Variants in FNDC3B observed in about 807,000 individuals in gnomAD.
The protein encoded by FNDC3B is fibronectin type III domain-containing protein 3B.
FNDC3B carries 12 observed loss-of-function variants against 151.5 expected under a neutral mutation model. The observed-to-expected ratio is 0.08, with a 90% CI of 0.05 to 0.13. The LOEUF (loss-of-function observed/expected upper bound fraction) is 0.13, where lower values mean the gene tolerates loss of function less well. Among genes scored for constraint, FNDC3B ranks in the 10% least tolerant of loss-of-function variants. The pLI, the probability that FNDC3B is intolerant of heterozygous loss-of-function variation, is 1.00. For missense variants in FNDC3B, 1,214 were observed against 1,505.3 expected (o/e 0.81, Z 3.20); for synonymous variants, 528 against 549.0 (o/e 0.96, Z 0.54).
chr3:172,238,358 G>C (rs558746549), intron 4 of FNDC3B, among the ~76,000 whole-genome samples: 167 of 152,184 alleles, frequency 1.1e-3, no homozygotes, highest in African/African-American at 3.9e-3. Context: ...GTTTTGCCAC[G>C]TTGCCCAGTC....
At chr3:172,087,908 G>A (rs1366767614) in intron 1 of FNDC3B, among the ~76,000 whole-genome samples, 1 of 152,188 alleles carries the variant, frequency 6.6e-6, no homozygotes, top group Non-Finnish European at 1.5e-5. Flanking sequence ...TAAATAGTTA[G>A]AAATATGCAA....
intron 3 of FNDC3B, among the ~76,000 whole-genome samples, chr3:172,180,548 A>G (rs966060789): frequency 6.6e-6 from 1 of 152,184 alleles, no homozygotes; most frequent in Non-Finnish European, 1.5e-5. Context: ...TCTTTTATAC[A>G]AAGTCCTGTG....
At chr3:172,287,847 G>T (rs946668618) in intron 7 of FNDC3B, among the ~76,000 whole-genome samples, 3 of 152,184 alleles carry the variant, frequency 2.0e-5, no homozygotes, top group Non-Finnish European at 4.4e-5. Context: ...TTTAGGGCAG[G>T]GTAATAGGCT....
chr3:172,160,304 T>TA (rs761946405), intron 3 of FNDC3B, among the ~76,000 whole-genome samples: 4 of 152,210 alleles, frequency 2.6e-5, no homozygotes, highest in African/African-American at 4.8e-5. Flanking sequence ...GCTTCCCACT[T>TA]ACAGGGGCGG....
intron 6 of FNDC3B, among the ~76,000 whole-genome samples, chr3:172,283,516 G>A (rs1246362571): frequency 6.6e-6 from 1 of 152,112 alleles, no homozygotes; most frequent in Non-Finnish European, 1.5e-5. Flanking sequence ...ATTACTCCAA[G>A]GATAGGGTCT....
chr3:172,349,651 C>T (rs906224053), intron 21 of FNDC3B, among the ~76,000 whole-genome samples: 1 of 151,902 alleles, frequency 6.6e-6, no homozygotes, highest in Admixed American at 6.6e-5. Flanking sequence ...TAATGTTTTT[C>T]TTTTCTTTTT....
At chr3:172,326,045 C>T (rs188774478) in intron 11 of FNDC3B, among the ~76,000 whole-genome samples, 1,749 of 152,202 alleles carry the variant, frequency 0.011, 35 homozygotes, top group Admixed American at 0.055. Flanking sequence ...AGGCTGGTTT[C>T]GAACTCCTGA....
chr3:172,189,687 G>A (rs9883538), intron 3 of FNDC3B, among the ~76,000 whole-genome samples: 52,624 of 151,434 alleles, frequency 0.35, 9,787 homozygotes, highest in South Asian at 0.46. Context: ...GGTGGCACAC[G>A]CCTTTGGTCC....
Position 172,039,647 on chromosome 3 carries a change from G to T in FNDC3B, c.-153G>T, listed in dbSNP as rs1715914190. 2 of 164,398 alleles carry T rather than the reference G, an allele frequency of 1.2e-5. No homozygotes were observed. Among genetic ancestry groups the T allele is most frequent in the East Asian group, 1.8e-4 (1 of 5,628 alleles). 10.2% of individuals were successfully genotyped at this position (164,398 alleles called of 1,614,324 possible). A position where few individuals can be genotyped will look rare whatever the true frequency, so the allele number is the denominator to read the frequency against. On this transcript the variant is annotated 5_prime_UTR_variant, in exon 1 of 26. Transcript: ENST00000415807. ...TGAGCGGCGGCGGCGGCGGCTGGAG[G>T]AGGAGAGCGGCGGCGGCGGGAGCAG...
At chr3:172,106,788 A>C (rs1719674869) in intron 1 of FNDC3B, among the ~76,000 whole-genome samples, 1 of 152,172 alleles carries the variant, frequency 6.6e-6, no homozygotes, top group African/African-American at 2.4e-5. Context: ...TGTCTTTCTT[A>C]GTATAGGCTG....
intron 2 of FNDC3B, among the ~76,000 whole-genome samples, chr3:172,132,696 C>A (rs1277289380): frequency 1.3e-5 from 2 of 152,126 alleles, no homozygotes; most frequent in African/African-American, 4.8e-5. Context: ...CCGTGCCCAG[C>A]CTAACTATAG....
In FNDC3B at chr3:172,392,802, T is replaced by TTTTTTTTC. The variant is rs749196111; in HGVS notation, c.3304-4354_3304-4347dup. Among the ~76,000 whole-genome samples the TTTTTTTTC allele has an allele frequency of 7.8e-3, 368 of 46,924 alleles. 15 individuals are homozygous for TTTTTTTTC. The highest frequency in any genetic ancestry group is 0.017 in the Non-Finnish European group (296 of 17,558). The allele number at this position is 46,924 out of a possible 152,430, so 30.8% of individuals were successfully genotyped here. ...AAGTAACTGAATGAATTTTTTCTTT[T>TTTTTTTTC]TTTTTTTCTTTTTTTTTTTTCAGAC... On this transcript the variant is annotated intron_variant, in intron 25 of 25. Transcript: ENST00000415807.
intron 1 of FNDC3B, among the ~76,000 whole-genome samples, chr3:172,066,266 G>C (rs1174810554): frequency 6.6e-6 from 1 of 152,186 alleles, no homozygotes; most frequent in Non-Finnish European, 1.5e-5. Flanking sequence ...GAGCAGTGAG[G>C]CGATAATGAT....
intron 9 of FNDC3B, 111 bp from the exon 10 acceptor site, chr3:172,307,252 C>A: frequency 9.0e-7 from 1 of 1,113,386 alleles, no homozygotes; most frequent in Non-Finnish European, 1.3e-6. Flanking sequence ...ATGATACTCA[C>A]TCCGTAAGAA....
chr3:172,364,389 T>C (rs1406764831), intron 23 of FNDC3B, among the ~76,000 whole-genome samples: 3 of 152,216 alleles, frequency 2.0e-5, no homozygotes, highest in East Asian at 3.8e-4. Flanking sequence ...TGTGCTGTTT[T>C]AGAAAAAAGT....
chr3:172,289,355 G>A lies in FNDC3B; in HGVS notation c.849+3371G>A, dbSNP rs180873020. ...TACTGGGCCCAGCCAGATAATCCAG[G>A]TTAAGTCTCCCCTTCACGAGAGCCT... On this transcript the variant is annotated intron_variant, in intron 7 of 25. Coordinates refer to ENST00000415807, the MANE Select transcript of FNDC3B (RefSeq NM_022763.4). Among the ~76,000 whole-genome samples the A allele has an allele frequency of 3.4e-4, 51 of 152,096 alleles. No individual in the cohort carries two copies. In the East Asian group the frequency reaches 9.5e-3, roughly 28 times the overall value.
At chr3:172,230,812 A>G (rs781356409) in intron 4 of FNDC3B, among the ~76,000 whole-genome samples, 62 of 152,252 alleles carry the variant, frequency 4.1e-4, no homozygotes, top group Non-Finnish European at 1.5e-4. Flanking sequence ...AAAGACAGTA[A>G]CAAGTATTGG....
intron 3 of FNDC3B, among the ~76,000 whole-genome samples, chr3:172,161,798 A>G (rs984563921): frequency 6.6e-6 from 1 of 152,144 alleles, no homozygotes; most frequent in Non-Finnish European, 1.5e-5. Context: ...TCAGTTTTGG[A>G]GCATTTTCAT....
In FNDC3B at chr3:172,378,250, G is replaced by T; in HGVS notation, c.3009-20G>T. On this transcript the variant is annotated intron_variant, in intron 23 of 25. Transcript: ENST00000415807. ...TTAGTAGACGTTCAGATGGCTAATT[G>T]ATTCTGCTCCTTCTTCTAGGTTTAT... 1 of 1,555,884 alleles carries T rather than the reference G, an allele frequency of 6.4e-7. No homozygotes were observed. Among genetic ancestry groups the T allele is most frequent in the South Asian group, 1.2e-5 (1 of 81,994 alleles).
Sources: allele counts gnomAD v4.1 joint callset (sites outside exome capture counted in the v4.1 genomes callset), GRCh38; gene constraint gnomAD v4.1.1; transcripts MANE v1.5; gene names NCBI Gene and HGNC (gene_info 2026-07-23, HGNC 2026-07-21).